The following SYT16 variants were observed in gnomAD, a reference collection of about 807,000 sequenced individuals.
The protein encoded by SYT16 is synaptotagmin 16.
In SYT16, 42 loss-of-function variants were observed where a neutral mutation model predicts 61.4. The observed-to-expected ratio is 0.68, with a 90% CI of 0.53 to 0.89. The LOEUF (loss-of-function observed/expected upper bound fraction) is 0.89, where lower values mean the gene tolerates loss of function less well. Ranked by LOEUF, SYT16 falls within the 40% of genes least tolerant of loss-of-function variation. The pLI is 0.00. For synonymous variants in SYT16, 314 were observed against 302.3 expected (o/e 1.04, Z -0.40); for missense variants, 804 against 807.3 (o/e 1.00, Z 0.05).
chr14:62,072,455 CA>C (rs2056335920), intron 4 of SYT16, among the ~76,000 whole-genome samples: 1 of 152,028 alleles, frequency 6.6e-6, no homozygotes, highest in African/African-American at 2.4e-5. Context: ...GGCTAGGTAA[CA>C]GAAATACACA....
chr14:62,065,369 C>CT (rs2056017040), intron 3 of SYT16, among the ~76,000 whole-genome samples: 1 of 152,072 alleles, frequency 6.6e-6, no homozygotes, highest in South Asian at 2.1e-4. Context: ...ATTCCTACTT[C>CT]ATGGAATGGG....
At chr14:62,084,424 G>C in intron 7 of SYT16, 39 bp downstream of exon 7, 1 of 1,578,294 alleles carries the variant, frequency 6.3e-7, no homozygotes, top group East Asian at 2.3e-5. Context: ...GGTTCTTCCA[G>C]AGGCAAGTGG....
chr14:61,960,008 T>G (rs2051052150), intron 1 of SYT16, among the ~76,000 whole-genome samples: 1 of 152,136 alleles, frequency 6.6e-6, no homozygotes, highest in African/African-American at 2.4e-5. Flanking sequence ...ACTTTTAAAT[T>G]TTTTGTAGAG....
chr14:62,059,670 CA>C (rs1316078168), intron 3 of SYT16, among the ~76,000 whole-genome samples: 2 of 114,354 alleles, frequency 1.7e-5, no homozygotes, highest in Non-Finnish European at 3.2e-5. Flanking sequence ...GTAATTGATA[CA>C]TATATATAAT....
intron 3 of SYT16, among the ~76,000 whole-genome samples, chr14:62,028,309 A>G (rs1195232941): frequency 6.6e-6 from 1 of 152,210 alleles, no homozygotes. Flanking sequence ...TCGCTTCCTG[A>G]AAGCCTGCTT....
intron 1 of SYT16, among the ~76,000 whole-genome samples, chr14:61,873,314 A>G (rs1379358929): frequency 6.6e-6 from 1 of 152,214 alleles, no homozygotes; most frequent in African/African-American, 2.4e-5. Context: ...ACAGCCAATC[A>G]GGAATGAAAT....
chr14:61,874,141 T>G (rs973702483), intron 1 of SYT16, among the ~76,000 whole-genome samples: 3 of 152,208 alleles, frequency 2.0e-5, no homozygotes, highest in Non-Finnish European at 4.4e-5. Context: ...AACTGTGAAC[T>G]CTAGTTGCAT....
chr14:62,022,842 A>G (rs952734111), intron 3 of SYT16, among the ~76,000 whole-genome samples: 3 of 152,178 alleles, frequency 2.0e-5, no homozygotes, highest in Admixed American at 1.3e-4. Context: ...AAAGCTATCA[A>G]TTGGATTCTT....
intron 1 of SYT16, among the ~76,000 whole-genome samples, chr14:61,836,127 A>G (rs2046120255): frequency 6.6e-6 from 1 of 152,192 alleles, no homozygotes. Context: ...TTTGAAAACC[A>G]CTGGTCTAGG....
At chr14:61,990,917 T>TCTTTAATATTTA (rs2052521782) in intron 2 of SYT16, among the ~76,000 whole-genome samples, 2 of 152,194 alleles carry the variant, frequency 1.3e-5, no homozygotes, top group African/African-American at 4.8e-5. Flanking sequence ...GAAACACAAC[T>TCTTTAATATTTA]CTTTAATATT....
intron 3 of SYT16, among the ~76,000 whole-genome samples, chr14:62,064,014 A>G (rs1407279157): frequency 6.6e-6 from 1 of 152,224 alleles, no homozygotes; most frequent in Non-Finnish European, 1.5e-5. Context: ...AGGTGTATCC[A>G]CATTTACGAT....
rs771643464 is a variant in SYT16, at chr14:62,109,799, G to A, written c.*9092G>A. 1.3e-5 allele frequency: 2 copies of A among 152,036 alleles called. No homozygotes were observed. Among genetic ancestry groups the A allele is most frequent in the African/African-American group, 4.8e-5 (2 of 41,412 alleles). 9.4% of individuals were successfully genotyped at this position (152,036 alleles called of 1,614,324 possible). A position where few individuals can be genotyped will look rare whatever the true frequency, so the allele number is the denominator to read the frequency against. ...TCATGATAGAAAATCACCTTCTGTC[G>A]CTAGTTTATATGACTTTACATTTAC... is the stretch of plus-strand genomic sequence containing the variant. On this transcript the variant is annotated 3_prime_UTR_variant, in exon 8 of 8. Transcript: ENST00000683842.
chr14:61,925,440 T>C (rs2049497888), intron 1 of SYT16, among the ~76,000 whole-genome samples: 1 of 152,224 alleles, frequency 6.6e-6, no homozygotes, highest in African/African-American at 2.4e-5. Flanking sequence ...GGACACAAAA[T>C]GGTGTATTAG....
At chr14:61,832,235 G>T (rs538002051) in intron 1 of SYT16, 2 of 625,522 alleles carry the variant, frequency 3.2e-6, no homozygotes, top group Admixed American at 1.9e-5. Context: ...CATCGGGTAC[G>T]GGATAGTCAC....
chr14:61,960,411 C>G (rs2051069621), intron 1 of SYT16, among the ~76,000 whole-genome samples: 1 of 152,012 alleles, frequency 6.6e-6, no homozygotes, highest in Non-Finnish European at 1.5e-5. Flanking sequence ...AGTAGAGATC[C>G]TTCACTTTCC....
chr14:61,904,301 A>G (rs371128060), intron 1 of SYT16, among the ~76,000 whole-genome samples: 1 of 151,954 alleles, frequency 6.6e-6, no homozygotes, highest in African/African-American at 2.4e-5. Flanking sequence ...TCCCAACTGG[A>G]CTCCTTTTGC....
chr14:62,037,140 C>T (rs2054541796), intron 3 of SYT16, among the ~76,000 whole-genome samples: 1 of 152,118 alleles, frequency 6.6e-6, no homozygotes, highest in Admixed American at 6.5e-5. Flanking sequence ...AGTCAGGTCT[C>T]AGATGCTCTG....
At position 62,069,711 on chromosome 14, in the gene SYT16, T is replaced by C; in HGVS notation, c.632T>C (p.Val211Ala). The C allele has an allele frequency of 6.2e-7, 1 of 1,613,954 alleles. No individual in the cohort carries two copies. Among genetic ancestry groups the C allele is most frequent in the South Asian group, 1.1e-5 (1 of 91,074 alleles). ...TCCCGGTCCCAGAGTTTCCGTTCAG[T>C]GACATCTGAGAAAGGAAAGCAGACA... is the stretch of plus-strand genomic sequence containing the variant. ...SVSRSQSFRSVTSEKGKQTGL... is the reference protein window; with the variant it reads ...SVSRSQSFRSATSEKGKQTGL... The change falls in exon 4 of 8, where the codon GTG (valine) becomes GCG (alanine). Residue 211 changes from valine to alanine, a missense_variant. By Grantham distance (64) the Val-to-Ala change is moderately conservative. Coordinates refer to ENST00000683842, the MANE Select transcript of SYT16 (RefSeq NM_001367656.1).
rs907428712 is a variant in SYT16, at chr14:61,825,176, C to A, written c.-325+12366C>A. 3.9e-5 allele frequency among the ~76,000 whole-genome samples: 6 copies of A among 152,174 alleles called. No homozygotes were observed. In the East Asian group the frequency reaches 1.2e-3, roughly 29 times the overall value. On this transcript the variant is annotated intron_variant, in intron 1 of 7. Transcript: ENST00000683842. ...TCTTTCACATTTGAGATTGGGGCAC[C>A]AAAACAGCTTGTAAGGGCAGGGTTG... is the stretch of plus-strand genomic sequence containing the variant.
Sources: gnomAD v4.1 joint callset for allele counts (sites outside exome capture counted in the v4.1 genomes callset) on GRCh38, gnomAD v4.1.1 for gene constraint, MANE v1.5 for transcripts, NCBI Gene and HGNC (gene_info 2026-07-23, HGNC 2026-07-21) for gene names.